The following JPH1 variants were observed in gnomAD, a reference collection of about 807,000 sequenced individuals.
JPH1 encodes junctophilin 1.
Under a neutral mutation model 53.6 loss-of-function variants are expected in JPH1, and 12 were observed. The observed-to-expected ratio is 0.22, with a 90% CI of 0.14 to 0.36. The LOEUF (loss-of-function observed/expected upper bound fraction) is 0.36, where lower values mean the gene tolerates loss of function less well. Ranked by LOEUF, JPH1 falls within the 10% of genes least tolerant of loss-of-function variation. The pLI is 1.00. For missense variants in JPH1, 808 were observed against 905.5 expected, an observed-to-expected ratio of 0.89 and a Z score of 1.38; for synonymous variants, 375 against 363.8, an observed-to-expected ratio of 1.03 and a Z score of -0.35.
chr8:74,276,130 A>G (rs1806840605), intron 2 of JPH1, among the ~76,000 whole-genome samples: 1 of 152,208 alleles, frequency 6.6e-6, no homozygotes, highest in Non-Finnish European at 1.5e-5. Flanking sequence ...GAAAGTGTAT[A>G]TTCTTTTAAG....
At chr8:74,286,150 C>T (rs1295815486) in intron 2 of JPH1, among the ~76,000 whole-genome samples, 2 of 152,236 alleles carry the variant, frequency 1.3e-5, no homozygotes, top group Non-Finnish European at 2.9e-5. Flanking sequence ...CCATATCCTA[C>T]TCGGTCACCA....
At chr8:74,294,908 C>T (rs190651701) in intron 2 of JPH1, among the ~76,000 whole-genome samples, 5 of 152,352 alleles carry the variant, frequency 3.3e-5, no homozygotes, top group South Asian at 4.1e-4. Flanking sequence ...GAGCCTGAGA[C>T]GTGGAACAGT....
intron 3 of JPH1, among the ~76,000 whole-genome samples, chr8:74,258,990 T>G (rs149394741): frequency 2.2e-3 from 341 of 152,282 alleles, no homozygotes; most frequent in Middle Eastern, 3.4e-3. Flanking sequence ...AAGTGGAAAA[T>G]TCCACATGAC....
chr8:74,301,149 C>T (rs561604637), intron 2 of JPH1, among the ~76,000 whole-genome samples: 1 of 152,252 alleles, frequency 6.6e-6, no homozygotes, highest in South Asian at 2.1e-4. Flanking sequence ...TCCCTTTTGT[C>T]TCTGCCACCC....
At chr8:74,299,033 A>G (rs1807598971) in intron 2 of JPH1, among the ~76,000 whole-genome samples, 1 of 152,094 alleles carries the variant, frequency 6.6e-6, no homozygotes, top group Admixed American at 6.5e-5. Context: ...AATAATGAAC[A>G]CTGGTGACCT....
rs575959511 is a variant in JPH1, at chr8:74,314,900, G to T, written c.1100C>A (p.Ala367Asp). The change falls in exon 2 of 6, where the codon GCT (alanine) becomes GAT (aspartate). Residue 367 changes from alanine to aspartate, a missense_variant. Transcript: ENST00000342232. The part of the protein sequence containing the change: ...DRAIEGAQRA[A>D]AMARTKVEIA... The stretch of plus-strand genomic sequence containing the variant: ...TTCCACTTTGGTTCTGGCCATGGCA[G>T]CTGCCCTTTGGGCGCCTTCAATTGC... 1.2e-6 allele frequency: 2 copies of T among 1,614,206 alleles called. No homozygotes were observed. The highest frequency in any genetic ancestry group is 2.7e-5 in the African/African-American group (2 of 75,054).
intron 2 of JPH1, among the ~76,000 whole-genome samples, chr8:74,309,747 A>G (rs979582515): frequency 3.3e-5 from 5 of 152,370 alleles, no homozygotes; most frequent in African/African-American, 4.8e-5. Context: ...TAAGGGAATG[A>G]AAACTGAATG....
intron 3 of JPH1, among the ~76,000 whole-genome samples, chr8:74,255,373 A>C (rs962419722): frequency 6.6e-6 from 1 of 152,056 alleles, no homozygotes; most frequent in East Asian, 1.9e-4. Context: ...TCCCTTCCTT[A>C]CACCTTATAC....
chr8:74,268,315 A>G (rs1806595393), intron 2 of JPH1, among the ~76,000 whole-genome samples: 1 of 152,178 alleles, frequency 6.6e-6, no homozygotes, highest in Non-Finnish European at 1.5e-5. Flanking sequence ...AAGAATCTAT[A>G]TGATTCTGCA....
At chr8:74,257,370 A>G (rs181313969) in intron 3 of JPH1, among the ~76,000 whole-genome samples, 30 of 152,332 alleles carry the variant, frequency 2.0e-4, no homozygotes, top group South Asian at 1.0e-3. Context: ...GGAAACCAAG[A>G]TGATCTTTCG....
In JPH1 at chr8:74,321,069, C is replaced by T. The variant is rs145441016; in HGVS notation, c.219G>A (p.Gly73=). The stretch of plus-strand genomic sequence containing the variant: ...ACATCCACTTGCCCTTCGTCTCCAC[C>T]CCCAGCCCGTGCCGCTTGCCCTGCG... ...YWAQGKRHGL[G]VETKGKWMYR... Residue 73 remains glycine, a synonymous_variant, in exon 1 of 6, where the codon GGG becomes GGA. Transcript: ENST00000342232. The surrounding 1 kb of genome is among the most constrained non-coding windows in gnomAD (Gnocchi z 4.3). 56 of 1,613,434 alleles carry T rather than the reference C, an allele frequency of 3.5e-5. No homozygotes were observed. Among genetic ancestry groups the T allele is most frequent in the Non-Finnish European group, 4.5e-5 (53 of 1,179,676 alleles).
chr8:74,245,490 G>A (rs1392653655), intron 3 of JPH1, among the ~76,000 whole-genome samples: 2 of 152,192 alleles, frequency 1.3e-5, no homozygotes, highest in Admixed American at 6.5e-5. Flanking sequence ...ATTATGTGGT[G>A]TAACTAAGAC....
At chr8:74,297,919 T>C (rs950804488) in intron 2 of JPH1, among the ~76,000 whole-genome samples, 1 of 152,244 alleles carries the variant, frequency 6.6e-6, no homozygotes, top group Non-Finnish European at 1.5e-5. Context: ...ATTACATTTA[T>C]AACAACAATT....
chr8:74,314,847 C>T lies in JPH1; in HGVS notation c.1139+14G>A, dbSNP rs763230808. 2.5e-6 allele frequency: 4 copies of T among 1,613,596 alleles called. No individual in the cohort carries two copies. The African/African-American group carries it at 4.0e-5, about 16-fold the overall frequency. Reference sequence around the variant, plus strand: ...GACCAACCCAGCAAAACCAACCACCCTGCATTTACTTACCTTGAATTTGCT... The same window carrying T: ...GACCAACCCAGCAAAACCAACCACCTTGCATTTACTTACCTTGAATTTGCT... On this transcript the variant is annotated intron_variant, in intron 2 of 5. Transcript: ENST00000342232.
Position 74,315,399 on chromosome 8 carries a change from C to A in JPH1, c.601G>T (p.Ala201Ser). 6.2e-7 allele frequency: 1 copy of A among 1,612,538 alleles called. No individual in the cohort carries two copies. The change falls in exon 2 of 6, where the codon GCT becomes TCT. Residue 201 changes from alanine (A) to serine (S), a missense_variant. Coordinates refer to ENST00000342232, the MANE Select transcript of JPH1 (RefSeq NM_020647.4). This position sits in a 1 kb window ranked among gnomAD's most constrained non-coding sequence, Gnocchi z 6.3. ...GGFVLNFHAD[A>S]ELAGKKKGGL... ...CCCTTCTTCTTGCCCGCTAGCTCAGCGTCTGCGTGGAAGTTGAGCACGAAA... is the reference window on the plus strand; with the variant it reads ...CCCTTCTTCTTGCCCGCTAGCTCAGAGTCTGCGTGGAAGTTGAGCACGAAA...
At chr8:74,298,337 T>C (rs1039668361) in intron 2 of JPH1, among the ~76,000 whole-genome samples, 8 of 152,228 alleles carry the variant, frequency 5.3e-5, no homozygotes, top group Non-Finnish European at 7.3e-5. Flanking sequence ...GTATACAAGA[T>C]GGGTTTTCCT....
intron 4 of JPH1, 29 bp downstream of exon 4, chr8:74,244,500 A>G: frequency 6.4e-7 from 1 of 1,556,378 alleles, no homozygotes; most frequent in Non-Finnish European, 8.7e-7. Context: ...GGGAAGAAAG[A>G]AAGAGAAAAC....
chr8:74,278,666 A>G (rs904566548), intron 2 of JPH1, among the ~76,000 whole-genome samples: 7 of 152,192 alleles, frequency 4.6e-5, no homozygotes, highest in Admixed American at 1.3e-4. Context: ...TAATGCACTT[A>G]TGTACCTTTG....
intron 2 of JPH1, among the ~76,000 whole-genome samples, chr8:74,264,155 A>G (rs1806470188): frequency 1.3e-5 from 2 of 152,244 alleles, no homozygotes; most frequent in African/African-American, 4.8e-5. Context: ...TCTTTTATAC[A>G]TCTACTAACT....
Sources: gnomAD v4.1 joint callset for allele counts (sites outside exome capture counted in the v4.1 genomes callset) on GRCh38, gnomAD v4.1.1 for gene constraint, Gnocchi (gnomAD v3.1) non-coding constraint, MANE v1.5 for transcripts, NCBI Gene and HGNC (gene_info 2026-07-23, HGNC 2026-07-21) for gene names.